HS3ST4: variants seen among roughly 807,000 people sequenced by gnomAD.
The protein encoded by HS3ST4 is heparan sulfate-glucosamine 3-sulfotransferase 4.
In HS3ST4, 17 loss-of-function variants were observed where a neutral mutation model predicts 29.2. The ratio of observed to expected loss-of-function variants is 0.58; its 90% CI spans 0.40 to 0.87. The LOEUF (loss-of-function observed/expected upper bound fraction) is 0.87. HS3ST4 is among the 40% of genes least tolerant of loss of function. The pLI, the probability that HS3ST4 is intolerant of heterozygous loss-of-function variation, is 0.00. For synonymous variants in HS3ST4, 314 were observed against 285.7 expected, an observed-to-expected ratio of 1.10 and a Z score of -1.00; for missense variants, 627 against 634.5, an observed-to-expected ratio of 0.99 and a Z score of 0.13.
At chr16:26,092,695 C>A (rs1433841287) in intron 1 of HS3ST4, among the ~76,000 whole-genome samples, 2 of 152,172 alleles carry the variant, frequency 1.3e-5, no homozygotes, top group African/African-American at 2.4e-5. Flanking sequence ...TGGGTGATTT[C>A]TGCATTTCCA....
intron 1 of HS3ST4, among the ~76,000 whole-genome samples, chr16:25,871,409 A>G (rs958872507): frequency 6.6e-6 from 1 of 152,132 alleles, no homozygotes; most frequent in Non-Finnish European, 1.5e-5. Flanking sequence ...TAAATCAGAG[A>G]AGGCAAATCA....
At chr16:25,781,925 A>C (rs766749117) in intron 1 of HS3ST4, among the ~76,000 whole-genome samples, 1 of 152,128 alleles carries the variant, frequency 6.6e-6, no homozygotes, top group Non-Finnish European at 1.5e-5. Flanking sequence ...ACAGAAAAAC[A>C]AAAACAAACT....
intron 1 of HS3ST4, among the ~76,000 whole-genome samples, chr16:25,987,495 AAATGGCTGGCTG>A (rs1969076113): frequency 6.6e-6 from 1 of 152,278 alleles, no homozygotes; most frequent in Admixed American, 6.5e-5. Context: ...CAAAACGGAT[AAATGGCTGGCTG>A]AAGTTTGCAT....
At chr16:25,712,301 T>A (rs1002939194) in intron 1 of HS3ST4, among the ~76,000 whole-genome samples, 1 of 152,134 alleles carries the variant, frequency 6.6e-6, no homozygotes, top group Non-Finnish European at 1.5e-5. Context: ...GCAGGCAGAT[T>A]ACTTGAGTCA....
chr16:25,868,954 T>C (rs181496371), intron 1 of HS3ST4, among the ~76,000 whole-genome samples: 36 of 152,258 alleles, frequency 2.4e-4, no homozygotes, highest in African/African-American at 8.4e-4. Flanking sequence ...TTTAAGTGCT[T>C]GTGTATATGT....
intron 1 of HS3ST4, among the ~76,000 whole-genome samples, chr16:25,912,578 C>T (rs548830298): frequency 7.9e-5 from 12 of 152,272 alleles, no homozygotes; most frequent in African/African-American, 2.9e-4. Context: ...AACATCAGCC[C>T]CAGTGAAAGT....
intron 1 of HS3ST4, among the ~76,000 whole-genome samples, chr16:25,833,150 T>C (rs1478547797): frequency 1.3e-5 from 2 of 152,248 alleles, no homozygotes; most frequent in African/African-American, 4.8e-5. Context: ...TCTGTGTGTT[T>C]TGCCTTAATA....
At chr16:26,058,424 C>A (rs895749358) in intron 1 of HS3ST4, among the ~76,000 whole-genome samples, 1 of 152,254 alleles carries the variant, frequency 6.6e-6, no homozygotes, top group Admixed American at 6.5e-5. Flanking sequence ...GGCAGCAACA[C>A]GAGTGAGCTA....
intron 1 of HS3ST4, among the ~76,000 whole-genome samples, chr16:26,051,873 C>T (rs1898350215): frequency 7.4e-6 from 1 of 135,078 alleles, no homozygotes; most frequent in Non-Finnish European, 1.6e-5. Context: ...TCCCTGCCTC[C>T]CTCCCTGCCT....
At chr16:25,852,517 A>T (rs1014683076) in intron 1 of HS3ST4, among the ~76,000 whole-genome samples, 1 of 151,500 alleles carries the variant, frequency 6.6e-6, no homozygotes, top group Non-Finnish European at 1.5e-5. Context: ...ATATTTCTTT[A>T]TTCTGAATTT....
At chr16:26,024,097 G>A (rs937393451) in intron 1 of HS3ST4, among the ~76,000 whole-genome samples, 1 of 151,992 alleles carries the variant, frequency 6.6e-6, no homozygotes. Context: ...GGTGGCACAT[G>A]CCTGTAATCC....
chr16:25,838,478 T>C (rs767199649), intron 1 of HS3ST4, among the ~76,000 whole-genome samples: 1 of 152,196 alleles, frequency 6.6e-6, no homozygotes, highest in Non-Finnish European at 1.5e-5. Context: ...AACCAACAAA[T>C]ATAGGATCGT....
intron 1 of HS3ST4, among the ~76,000 whole-genome samples, chr16:25,992,209 T>C (rs1381866914): frequency 6.6e-6 from 1 of 152,200 alleles, no homozygotes; most frequent in African/African-American, 2.4e-5. Context: ...TTATGATTCG[T>C]ATGATTATGA....
chr16:25,772,359 G>A (rs1966843671), intron 1 of HS3ST4, among the ~76,000 whole-genome samples: 1 of 152,192 alleles, frequency 6.6e-6, no homozygotes. Context: ...AATTACAGTA[G>A]AGCTATGGTT....
At chr16:25,850,850 GT>G (rs1967513407) in intron 1 of HS3ST4, among the ~76,000 whole-genome samples, 1 of 152,210 alleles carries the variant, frequency 6.6e-6, no homozygotes. Flanking sequence ...GGAACAGGGA[GT>G]ATGGTGGGAG....
At chr16:26,092,033 C>G (rs1034318826) in intron 1 of HS3ST4, among the ~76,000 whole-genome samples, 1 of 152,044 alleles carries the variant, frequency 6.6e-6, no homozygotes, top group African/African-American at 2.4e-5. Flanking sequence ...TTTGGAAATG[C>G]CGAGCTGAGC....
At chr16:25,744,170 CA>C (rs1966671644) in intron 1 of HS3ST4, among the ~76,000 whole-genome samples, 1 of 152,178 alleles carries the variant, frequency 6.6e-6, no homozygotes, top group Non-Finnish European at 1.5e-5. Context: ...TGTAACCTGA[CA>C]ATGAATTAGC....
chr16:25,747,588 C>T (rs1002397117), intron 1 of HS3ST4, among the ~76,000 whole-genome samples: 18 of 152,190 alleles, frequency 1.2e-4, no homozygotes, highest in African/African-American at 4.1e-4. Context: ...TTTTGTTCCT[C>T]TTTTGCAGAG....
intron 1 of HS3ST4, among the ~76,000 whole-genome samples, chr16:26,090,328 C>A (rs1898841651): frequency 1.4e-5 from 2 of 147,676 alleles, no homozygotes; most frequent in Non-Finnish European, 2.9e-5. Flanking sequence ...GTTTATGATC[C>A]TTTCGTCTGT....
Sources: gnomAD v4.1 joint callset for allele counts (sites outside exome capture counted in the v4.1 genomes callset) on GRCh38, gnomAD v4.1.1 for gene constraint, MANE v1.5 for transcripts, NCBI Gene and HGNC (gene_info 2026-07-23, HGNC 2026-07-21) for gene names.